The following SLC25A21 variants were observed in gnomAD, a reference collection of about 807,000 sequenced individuals.
SLC25A21 encodes the protein solute carrier family 25 member 21, also known as mitochondrial 2-oxodicarboxylate carrier.
In SLC25A21, 47 loss-of-function variants were observed where a neutral mutation model predicts 43.8. The observed-to-expected ratio is 1.07, with a 90% CI of 0.85 to 1.37. SLC25A21 has a LOEUF of 1.37. SLC25A21 is among the 40% of genes most tolerant of loss of function. The pLI, the probability that SLC25A21 is intolerant of heterozygous loss-of-function variation, is 0.00. For missense variants in SLC25A21, 352 were observed against 350.2 expected (o/e 1.00, Z -0.04); for synonymous variants, 131 against 121.3 (o/e 1.08, Z -0.52).
intron 2 of SLC25A21, among the ~76,000 whole-genome samples, chr14:36,867,611 T>C (rs712376): frequency 0.37 from 56,079 of 151,942 alleles, 10,617 homozygotes; most frequent in East Asian, 0.43. Flanking sequence ...GATTTGAATG[T>C]AGTGCTTACA....
intron 1 of SLC25A21, among the ~76,000 whole-genome samples, chr14:37,145,476 C>CACAGAGAG (rs780734735): frequency 0.019 from 2,761 of 143,646 alleles, 38 homozygotes; most frequent in East Asian, 0.049. Context: ...CACACACACA[C>CACAGAGAG]AGAGAGATGA....
chr14:37,140,250 G>A (rs1420423508), intron 1 of SLC25A21, among the ~76,000 whole-genome samples: 1 of 152,108 alleles, frequency 6.6e-6, no homozygotes, highest in African/African-American at 2.4e-5. Flanking sequence ...GGTAGATACA[G>A]GATAAAAACT....
chr14:37,056,498 A>T (rs1219711142), intron 1 of SLC25A21, among the ~76,000 whole-genome samples: 2 of 151,950 alleles, frequency 1.3e-5, no homozygotes, highest in East Asian at 3.9e-4. Context: ...CAAAAAAAAA[A>T]AAAAAAATTA....
intron 2 of SLC25A21, among the ~76,000 whole-genome samples, chr14:36,873,684 C>A (rs1042800169): frequency 1.3e-5 from 2 of 152,080 alleles, no homozygotes; most frequent in Non-Finnish European, 2.9e-5. Context: ...TATGTTGAAG[C>A]CCTAACCCAC....
intron 3 of SLC25A21, among the ~76,000 whole-genome samples, chr14:36,793,944 G>T (rs184095115): frequency 6.7e-6 from 1 of 149,640 alleles, no homozygotes; most frequent in African/African-American, 2.4e-5. Flanking sequence ...AAAAAACTTG[G>T]CAAGAAGAAG....
intron 1 of SLC25A21, among the ~76,000 whole-genome samples, chr14:36,931,669 A>C (rs1892295968): frequency 6.6e-6 from 1 of 152,156 alleles, no homozygotes; most frequent in Admixed American, 6.6e-5. Flanking sequence ...AACTGATGAA[A>C]GGAGAGACAG....
intron 7 of SLC25A21, among the ~76,000 whole-genome samples, chr14:36,687,798 A>C (rs557559633): frequency 6.6e-6 from 1 of 152,260 alleles, no homozygotes; most frequent in South Asian, 2.1e-4. Context: ...GCTTTAGATC[A>C]AGTTCCTGTT....
intron 1 of SLC25A21, among the ~76,000 whole-genome samples, chr14:37,133,154 C>CACAT (rs1296936366): frequency 8.6e-5 from 13 of 151,040 alleles, no homozygotes; most frequent in African/African-American, 3.1e-4. Flanking sequence ...CACACACACA[C>CACAT]ACACACACAC....
intron 1 of SLC25A21, among the ~76,000 whole-genome samples, chr14:37,080,015 T>C (rs923436133): frequency 3.9e-5 from 6 of 152,140 alleles, no homozygotes; most frequent in African/African-American, 1.4e-4. Context: ...CTGCCATCTA[T>C]TAGCCAGAAA....
At chr14:37,099,708 G>C (rs1962780191) in intron 1 of SLC25A21, among the ~76,000 whole-genome samples, 1 of 152,054 alleles carries the variant, frequency 6.6e-6, no homozygotes. Flanking sequence ...AACAATGGCA[G>C]GCTCCATATT....
chr14:36,721,588 C>T (rs1237242049), intron 6 of SLC25A21, among the ~76,000 whole-genome samples: 1 of 152,226 alleles, frequency 6.6e-6, no homozygotes, highest in African/African-American at 2.4e-5. Flanking sequence ...CTGTTCTACA[C>T]AGCTCTGATT....
Position 37,040,375 on chromosome 14 carries a change from GAAAGAA to G in SLC25A21, c.70+131900_70+131905del, listed in dbSNP as rs1383557214. On this transcript the variant is annotated intron_variant, in intron 1 of 9. Coordinates refer to ENST00000331299, the MANE Select transcript of SLC25A21 (RefSeq NM_030631.4). Reference sequence around the variant, plus strand: ...AAGGAAAGAAAGAGAGAGAGAGAGAGAAAGAAAGAAAGAAAGAAAGAAAGAAAGAAA... The same window carrying G: ...AAGGAAAGAAAGAGAGAGAGAGAGAGAGAAAGAAAGAAAGAAAGAAAGAAA... 2.9e-3 allele frequency among the ~76,000 whole-genome samples: 87 copies of G among 30,460 alleles called. 3 individuals are homozygous for G. The highest frequency in any genetic ancestry group is 4.8e-3 in the Admixed American group (18 of 3,764). 20.0% of individuals were successfully genotyped at this position (30,460 alleles called of 152,430 possible).
At chr14:36,859,097 A>G (rs946061544) in intron 2 of SLC25A21, among the ~76,000 whole-genome samples, 1 of 152,190 alleles carries the variant, frequency 6.6e-6, no homozygotes, top group Non-Finnish European at 1.5e-5. Flanking sequence ...AATATTACTT[A>G]TGAAGTTAAG....
At chr14:36,938,680 A>G (rs1439874991) in intron 1 of SLC25A21, among the ~76,000 whole-genome samples, 1 of 152,100 alleles carries the variant, frequency 6.6e-6, no homozygotes, top group African/African-American at 2.4e-5. Flanking sequence ...GTTTTATTCA[A>G]TTAATGAACA....
intron 1 of SLC25A21, among the ~76,000 whole-genome samples, chr14:36,935,034 C>G (rs118081978): frequency 1.3e-5 from 2 of 151,806 alleles, no homozygotes; most frequent in Non-Finnish European, 2.9e-5. Context: ...GCAACTGAAA[C>G]TCCACTCTTT....
chr14:36,682,494 T>G (rs965842423), intron 9 of SLC25A21, among the ~76,000 whole-genome samples: 3 of 152,180 alleles, frequency 2.0e-5, no homozygotes, highest in Middle Eastern at 3.2e-3. Flanking sequence ...GTCAGATTAT[T>G]TAAGAGTTTT....
intron 1 of SLC25A21, among the ~76,000 whole-genome samples, chr14:36,877,259 C>T (rs1222850101): frequency 1.3e-5 from 2 of 152,118 alleles, no homozygotes; most frequent in African/African-American, 2.4e-5. Flanking sequence ...ACCAAAAGAA[C>T]CCACAATACC....
intron 1 of SLC25A21, among the ~76,000 whole-genome samples, chr14:37,040,790 T>C (rs985500421): frequency 2.0e-5 from 3 of 151,670 alleles, no homozygotes; most frequent in Admixed American, 6.6e-5. Context: ...AGACAGGAAA[T>C]AGAAATCTAA....
At chr14:36,853,947 T>C (rs1889821963) in intron 2 of SLC25A21, among the ~76,000 whole-genome samples, 2 of 152,192 alleles carry the variant, frequency 1.3e-5, no homozygotes, top group Admixed American at 6.5e-5. Flanking sequence ...TTTTAAACTA[T>C]AGAAACCAGA....
Sources: gnomAD v4.1 joint callset for allele counts (sites outside exome capture counted in the v4.1 genomes callset) on GRCh38, gnomAD v4.1.1 for gene constraint, MANE v1.5 for transcripts, NCBI Gene and HGNC (gene_info 2026-07-23, HGNC 2026-07-21) for gene names.